Variants in WDR41 observed in about 807,000 individuals in gnomAD.
WDR41 encodes WD repeat domain 41.
A neutral mutation model predicts 69.3 loss-of-function variants in WDR41; 63 were observed. That is an observed-to-expected ratio of 0.91 (90% CI 0.74 to 1.12). The LOEUF (loss-of-function observed/expected upper bound fraction) is 1.12. WDR41 is among the 50% of genes most tolerant of loss of function. The probability of loss-of-function intolerance (pLI) is 0.00; values close to 1 mark genes in which losing one functional copy is unlikely to be tolerated. For missense variants in WDR41, 543 were observed against 534.5 expected, an observed-to-expected ratio of 1.02 and a Z score of -0.16; for synonymous variants, 185 against 192.1, an observed-to-expected ratio of 0.96 and a Z score of 0.31.
chr5:77,605,849 A>T (rs1008101168), intron 1 of WDR41, among the ~76,000 whole-genome samples: 1 of 152,230 alleles, frequency 6.6e-6, no homozygotes, highest in African/African-American at 2.4e-5. Context: ...TTTGACTGAT[A>T]GACTTTATAC....
chr5:77,437,694 C>G (rs1479619757), intron 10 of WDR41, among the ~76,000 whole-genome samples: 1 of 152,188 alleles, frequency 6.6e-6, no homozygotes, highest in African/African-American at 2.4e-5. Context: ...GTGAATTATA[C>G]TTCACAATGT....
chr5:77,532,467 G>A (rs779273475), intron 1 of WDR41, among the ~76,000 whole-genome samples: 1 of 151,996 alleles, frequency 6.6e-6, no homozygotes, highest in Admixed American at 6.6e-5. Context: ...CAACATAAAC[G>A]AGTGTACATG....
At chr5:77,539,457 G>A (rs1246320589) in intron 1 of WDR41, among the ~76,000 whole-genome samples, 1 of 152,070 alleles carries the variant, frequency 6.6e-6, no homozygotes, top group Non-Finnish European at 1.5e-5. Context: ...GGGTGGAGTG[G>A]GGCTGATTCT....
chr5:77,606,106 T>G (rs1393547901), intron 1 of WDR41, among the ~76,000 whole-genome samples: 2 of 152,186 alleles, frequency 1.3e-5, no homozygotes, highest in African/African-American at 2.4e-5. Context: ...CCAAGCAGAA[T>G]TCATCCCTCT....
chr5:77,460,039 A>T (rs920260249), intron 4 of WDR41, among the ~76,000 whole-genome samples: 4 of 152,188 alleles, frequency 2.6e-5, no homozygotes, highest in Non-Finnish European at 4.4e-5. Context: ...GCAACACAGT[A>T]CACTGTAGAG....
rs115897699 is a variant in WDR41 at position 77,555,496 on chromosome 5, G to T, written c.42+64983C>A. Among the ~76,000 whole-genome samples the T allele has an allele frequency of 7.3e-3, 1,115 of 152,164 alleles. 18 individuals carry two copies. The highest frequency in any genetic ancestry group is 0.026 in the African/African-American group (1,066 of 41,492). ...GCTAATTGTTTTGGTTTTTAGCAGA[G>T]GCAAGGTCTCGCTATGTTGTCCAGG... On this transcript the variant is annotated intron_variant, in intron 1 of 5. Transcript: ENST00000509971.
At chr5:77,561,126 T>C (rs912552814) in intron 1 of WDR41, among the ~76,000 whole-genome samples, 1 of 152,188 alleles carries the variant, frequency 6.6e-6, no homozygotes, top group African/African-American at 2.4e-5. Context: ...CTAATTTTAG[T>C]AGGAATAATG....
chr5:77,459,745 T>G (rs534619527), intron 4 of WDR41, among the ~76,000 whole-genome samples: 1 of 152,232 alleles, frequency 6.6e-6, no homozygotes, highest in East Asian at 1.9e-4. Context: ...CATACATGTA[T>G]GTACTACGTA....
At chr5:77,469,971 A>C (rs1169022689) in intron 2 of WDR41, among the ~76,000 whole-genome samples, 10 of 151,160 alleles carry the variant, frequency 6.6e-5, no homozygotes, top group Non-Finnish European at 1.3e-4. Context: ...CAAGACACAT[A>C]ATTGTCAGAT....
intron 1 of WDR41, chr5:77,545,819 G>A (rs1743185995): frequency 1.0e-6 from 1 of 998,022 alleles, no homozygotes; most frequent in Non-Finnish European, 1.5e-6. Flanking sequence ...CCAAGGAGGT[G>A]GCCACTGCCA....
At chr5:77,549,401 G>A (rs554024982) in intron 1 of WDR41, among the ~76,000 whole-genome samples, 10 of 152,014 alleles carry the variant, frequency 6.6e-5, no homozygotes, top group African/African-American at 2.2e-4. Context: ...AATGACCTCC[G>A]GGAAAGTTTC....
At chr5:77,455,665 G>A (rs756366284) in intron 5 of WDR41, among the ~76,000 whole-genome samples, 2 of 152,126 alleles carry the variant, frequency 1.3e-5, no homozygotes, top group Non-Finnish European at 2.9e-5. Flanking sequence ...TATTTTGTAT[G>A]TGGATGTCCA....
At chr5:77,521,247 G>A (rs893197810) in intron 1 of WDR41, among the ~76,000 whole-genome samples, 14 of 152,230 alleles carry the variant, frequency 9.2e-5, no homozygotes. Flanking sequence ...TAAGGAGCAT[G>A]CAACCTATAT....
intron 1 of WDR41, among the ~76,000 whole-genome samples, chr5:77,550,252 TTAAAC>T (rs1375837791): frequency 6.6e-6 from 1 of 152,180 alleles, no homozygotes; most frequent in African/African-American, 2.4e-5. Context: ...TGTGATCTCA[TTAAAC>T]TAAATAGTTT....
chr5:77,443,653 C>A (rs1212965240), intron 8 of WDR41, among the ~76,000 whole-genome samples: 1 of 152,054 alleles, frequency 6.6e-6, no homozygotes. Flanking sequence ...CTATTTCATT[C>A]AAACTACAAA....
chr5:77,471,758 C>T (rs1222512876), intron 2 of WDR41, among the ~76,000 whole-genome samples: 2 of 152,104 alleles, frequency 1.3e-5, no homozygotes, highest in African/African-American at 4.8e-5. Flanking sequence ...AGACCAATAA[C>T]AGGATCTGAA....
chr5:77,502,161 T>G (rs975733567), intron 1 of WDR41, among the ~76,000 whole-genome samples: 1 of 152,054 alleles, frequency 6.6e-6, no homozygotes, highest in African/African-American at 2.4e-5. Flanking sequence ...ATAAACAGTA[T>G]AGAGAAGATC....
intron 1 of WDR41, among the ~76,000 whole-genome samples, chr5:77,501,591 C>A (rs183443636): frequency 2.0e-5 from 3 of 152,308 alleles, no homozygotes; most frequent in Admixed American, 6.5e-5. Context: ...GTCCCTGACC[C>A]CTATGTAGCC....
At chr5:77,441,413 G>A (rs1317851783) in intron 8 of WDR41, among the ~76,000 whole-genome samples, 1 of 152,132 alleles carries the variant, frequency 6.6e-6, no homozygotes, top group Non-Finnish European at 1.5e-5. Flanking sequence ...CGGAAGCAGA[G>A]TGGGGTGCCA....
Sources: gnomAD v4.1 joint callset for allele counts (sites outside exome capture counted in the v4.1 genomes callset) on GRCh38, gnomAD v4.1.1 for gene constraint, MANE v1.5 for transcripts, NCBI Gene and HGNC (gene_info 2026-07-23, HGNC 2026-07-21) for gene names.